The following FHAD1 variants were observed in gnomAD, a reference collection of about 807,000 sequenced individuals.
The protein encoded by FHAD1 is forkhead associated phosphopeptide binding domain 1, also known as forkhead-associated domain-containing protein 1.
A neutral mutation model predicts 191.3 loss-of-function variants in FHAD1; 146 were observed. The observed-to-expected ratio is 0.76, with a 90% CI of 0.67 to 0.88. FHAD1 has a LOEUF of 0.88. Ranked by LOEUF, FHAD1 falls within the 40% of genes least tolerant of loss-of-function variation. The probability of loss-of-function intolerance (pLI) is 0.00; values close to 1 mark genes in which losing one functional copy is unlikely to be tolerated. For synonymous variants in FHAD1, 616 were observed against 672.3 expected, an observed-to-expected ratio of 0.92 and a Z score of 1.29; for missense variants, 1,635 against 1,785.8, an observed-to-expected ratio of 0.92 and a Z score of 1.52.
chr1:15,361,876 G>A (rs1481164010), intron 22 of FHAD1, among the ~76,000 whole-genome samples: 15 of 152,008 alleles, frequency 9.9e-5, no homozygotes, highest in Non-Finnish European at 1.0e-4. Flanking sequence ...CTGGTGGCGC[G>A]CGCCTGTAGT....
At chr1:15,314,005 A>G (rs1464904448) in intron 8 of FHAD1, among the ~76,000 whole-genome samples, 1 of 151,860 alleles carries the variant, frequency 6.6e-6, no homozygotes, top group Non-Finnish European at 1.5e-5. Context: ...AATTGCAGTG[A>G]GCTGAGATCG....
At chr1:15,326,914 C>T (rs1204131369) in intron 11 of FHAD1, 145 bp from the exon 12 acceptor site, 4 of 600,744 alleles carry the variant, frequency 6.7e-6, no homozygotes, top group African/African-American at 5.6e-5. Context: ...TCCCCGTGAG[C>T]GGTGAAGATT....
chr1:15,390,701 T>C (rs1351470572), intron 32 of FHAD1, among the ~76,000 whole-genome samples: 12 of 152,146 alleles, frequency 7.9e-5, no homozygotes, highest in Admixed American at 7.9e-4. Flanking sequence ...TCAGCAACTG[T>C]AAACCAAACC....
intron 24 of FHAD1, among the ~76,000 whole-genome samples, chr1:15,366,145 G>T (rs1045758554): frequency 6.6e-6 from 1 of 152,086 alleles, no homozygotes. Context: ...AATTAGCTGG[G>T]TGTGGTGGTG....
chr1:15,293,590 C>G (rs1001119899), intron 4 of FHAD1, among the ~76,000 whole-genome samples: 1 of 152,080 alleles, frequency 6.6e-6, no homozygotes, highest in Non-Finnish European at 1.5e-5. Flanking sequence ...TGGTGGCACG[C>G]ACCTGTAATC....
At chr1:15,266,769 C>A (rs998795365) in intron 2 of FHAD1, among the ~76,000 whole-genome samples, 3 of 152,136 alleles carry the variant, frequency 2.0e-5, no homozygotes, top group African/African-American at 7.2e-5. Context: ...CTTCCCCTGA[C>A]CCCTGGCAAC....
chr1:15,279,301 A>ACT (rs932708147), intron 3 of FHAD1, among the ~76,000 whole-genome samples: 1 of 152,166 alleles, frequency 6.6e-6, no homozygotes, highest in Non-Finnish European at 1.5e-5. Flanking sequence ...CAGAAACCCA[A>ACT]CTCAGACTAG....
At chr1:15,251,664 A>G in intron 1 of FHAD1, 107 bp from the exon 2 acceptor site, 1 of 844,874 alleles carries the variant, frequency 1.2e-6, no homozygotes, top group Non-Finnish European at 1.8e-6. Context: ...CTGATTTCTC[A>G]CTTTGGACAT....
chr1:15,266,381 A>G (rs1418767787), intron 2 of FHAD1, among the ~76,000 whole-genome samples: 1 of 150,362 alleles, frequency 6.7e-6, no homozygotes, highest in Non-Finnish European at 1.5e-5. Flanking sequence ...CTGGCATTTC[A>G]GGCATGAGCC....
chr1:15,268,444 T>C (rs896146216), intron 2 of FHAD1, among the ~76,000 whole-genome samples: 1 of 143,256 alleles, frequency 7.0e-6, no homozygotes, highest in Non-Finnish European at 1.5e-5. Flanking sequence ...TGAATAGTGC[T>C]GCAATAAACA....
chr1:15,306,553 T>C (rs1311971217), intron 6 of FHAD1, among the ~76,000 whole-genome samples: 1 of 152,088 alleles, frequency 6.6e-6, no homozygotes, highest in African/African-American at 2.4e-5. Context: ...GAAAAAGTGG[T>C]TTTGTGGGCC....
Position 15,312,151 on chromosome 1 carries a change from CA to C in FHAD1, c.1040-905del, listed in dbSNP as rs1412039332. 1 of 152,270 alleles carries C rather than the reference CA, an allele frequency of 6.6e-6. No homozygotes were observed. The highest frequency in any genetic ancestry group is 1.5e-5 in the Non-Finnish European group (1 of 68,076). The allele number at this position is 152,270 out of a possible 1,614,324, so 9.4% of individuals were successfully genotyped here. ...TGGGAAGTCACATTCACCACTTCCA[CA>C]GTGCCATATGAGTTACACACGTCAG... On this transcript the variant is annotated intron_variant, in intron 7 of 33. Transcript: ENST00000688493. This position sits in a 1 kb window ranked among gnomAD's most constrained non-coding sequence, Gnocchi z 4.7.
rs560875259 is a variant in FHAD1 at position 15,360,006 on chromosome 1, A to G, written c.2737-472A>G. ...CGCACACCTGTAGTTCCAGCTACTC[A>G]GGAGGCTGAGGCAGGAGAATCGCTT... On this transcript the variant is annotated intron_variant, in intron 21 of 33. Transcript: ENST00000688493. Among the ~76,000 whole-genome samples, 8 of 152,236 alleles carry G rather than the reference A, an allele frequency of 5.3e-5. No homozygotes were observed. In the South Asian group the frequency reaches 1.7e-3, roughly 32 times the overall value.
chr1:15,324,246 G>A (rs1280200164), intron 10 of FHAD1, among the ~76,000 whole-genome samples: 1 of 152,028 alleles, frequency 6.6e-6, no homozygotes, highest in African/African-American at 2.4e-5. Flanking sequence ...TTGAGCCCAG[G>A]GTGCAGAGCC....
intron 25 of FHAD1, among the ~76,000 whole-genome samples, chr1:15,368,949 A>C (rs985913919): frequency 1.3e-5 from 2 of 152,154 alleles, no homozygotes; most frequent in Admixed American, 6.5e-5. Context: ...ATCTAAAAAA[A>C]AAAATAGCCA....
chr1:15,315,247 A>G (rs1338010149), intron 8 of FHAD1: 1 of 152,172 alleles, frequency 6.6e-6, no homozygotes, highest in Admixed American at 6.5e-5. Context: ...CAAGAAATCT[A>G]TGTCAGTACT....
intron 20 of FHAD1, among the ~76,000 whole-genome samples, chr1:15,356,614 G>A (rs1436428307): frequency 6.6e-6 from 1 of 152,208 alleles, no homozygotes; most frequent in Non-Finnish European, 1.5e-5. Context: ...ACTCACGCCT[G>A]TAATCCCAGC....
intron 4 of FHAD1, 176 bp from the exon 5 acceptor site, chr1:15,296,508 C>A: frequency 3.1e-6 from 2 of 637,532 alleles, no homozygotes; most frequent in South Asian, 3.1e-5. Flanking sequence ...CTGCCTTGGC[C>A]TCCCAAAGTG....
At chr1:15,245,624 G>T (rs938474985), upstream of FHAD1, among the ~76,000 whole-genome samples, 2 of 152,148 alleles carry the variant, frequency 1.3e-5, no homozygotes, top group African/African-American at 4.8e-5. Context: ...CCCAGCCCTT[G>T]TGGTCCCTCC....
Sources: allele counts gnomAD v4.1 joint callset (sites outside exome capture counted in the v4.1 genomes callset), GRCh38; gene constraint gnomAD v4.1.1; non-coding constraint Gnocchi (gnomAD v3.1); transcripts MANE v1.5; gene names NCBI Gene and HGNC (gene_info 2026-07-23, HGNC 2026-07-21).